The following TNFRSF21 variants were observed in gnomAD, a reference collection of about 807,000 sequenced individuals.
TNFRSF21 encodes the protein TNF receptor superfamily member 21.
In TNFRSF21, 19 loss-of-function variants were observed where a neutral mutation model predicts 45.6. The observed-to-expected ratio is 0.42, with a 90% confidence interval of 0.29 to 0.61. TNFRSF21 has a LOEUF of 0.61. Ranked by LOEUF, TNFRSF21 falls within the 20% of genes least tolerant of loss-of-function variation. The pLI is 0.23. For synonymous variants in TNFRSF21, 314 were observed against 335.5 expected, an observed-to-expected ratio of 0.94 and a Z score of 0.70; for missense variants, 737 against 851.5, an observed-to-expected ratio of 0.87 and a Z score of 1.67.
intron 3 of TNFRSF21, among the ~76,000 whole-genome samples, chr6:47,281,427 C>A (rs1364278369): frequency 6.6e-6 from 1 of 151,148 alleles, no homozygotes; most frequent in African/African-American, 2.4e-5. Context: ...GTGGCCCAGG[C>A]CGGAGTGCAG....
chr6:47,271,045 T>C (rs1420841708), intron 3 of TNFRSF21, among the ~76,000 whole-genome samples: 1 of 152,212 alleles, frequency 6.6e-6, no homozygotes, highest in Non-Finnish European at 1.5e-5. Flanking sequence ...ATTTGATTAG[T>C]GTACCTGAAA....
rs188223932 is a variant in TNFRSF21, at chr6:47,308,689, C to T, written c.96+727G>A. On this transcript the variant is annotated intron_variant, in intron 1 of 5. Transcript: ENST00000296861. ...TAGAAAATTCATCTTCCTTCACACA[C>T]ATCTCCTTCCCCCTCCCCCCATTCC... Among the ~76,000 whole-genome samples the T allele has an allele frequency of 2.4e-3, 364 of 152,386 alleles. 8 individuals are homozygous for T. The highest frequency in any genetic ancestry group is 5.0e-4 in the Non-Finnish European group (34 of 68,038).
chr6:47,253,117 T>C, intron 4 of TNFRSF21, 139 bp downstream of exon 4: 1 of 1,005,576 alleles, frequency 9.9e-7, no homozygotes, highest in East Asian at 2.7e-5. Flanking sequence ...TGTGTGTGTG[T>C]GTGCAGGCGT....
intron 1 of TNFRSF21, among the ~76,000 whole-genome samples, chr6:47,300,855 C>T (rs1439210480): frequency 6.6e-6 from 1 of 152,164 alleles, no homozygotes; most frequent in Non-Finnish European, 1.5e-5. Context: ...TACCCAAAGT[C>T]TAGCAATGCC....
chr6:47,242,690 A>G (rs1199669340), intron 4 of TNFRSF21, among the ~76,000 whole-genome samples: 1 of 152,194 alleles, frequency 6.6e-6, no homozygotes, highest in Non-Finnish European at 1.5e-5. Flanking sequence ...TGCTGACATC[A>G]ACGGTAGTGG....
intron 1 of TNFRSF21, among the ~76,000 whole-genome samples, chr6:47,292,189 GA>G (rs1251130441): frequency 3.9e-5 from 6 of 152,144 alleles, no homozygotes; most frequent in Non-Finnish European, 7.3e-5. Flanking sequence ...CTAATGCTAG[GA>G]AAACACCTGA....
At chr6:47,304,994 C>T (rs910776587) in intron 1 of TNFRSF21, among the ~76,000 whole-genome samples, 2 of 152,202 alleles carry the variant, frequency 1.3e-5, no homozygotes, top group Admixed American at 6.5e-5. Flanking sequence ...GCTTTCTCTA[C>T]TGAGGCTAAC....
chr6:47,277,300 T>C (rs1276322259), intron 3 of TNFRSF21, among the ~76,000 whole-genome samples: 2 of 152,196 alleles, frequency 1.3e-5, no homozygotes, highest in African/African-American at 4.8e-5. Context: ...CCCCTAAGTA[T>C]AGTATTTTAA....
intron 5 of TNFRSF21, 70 bp downstream of exon 5, chr6:47,234,600 G>A: frequency 1.6e-6 from 2 of 1,262,274 alleles, no homozygotes; most frequent in Non-Finnish European, 2.2e-6. Flanking sequence ...CTGTGGACGG[G>A]GAGGGACGAA....
intron 3 of TNFRSF21, among the ~76,000 whole-genome samples, chr6:47,254,088 T>C (rs1288987107): frequency 6.6e-6 from 1 of 152,218 alleles, no homozygotes; most frequent in Non-Finnish European, 1.5e-5. Context: ...GCCGCTGGCA[T>C]ATCCAAATTA....
intron 4 of TNFRSF21, among the ~76,000 whole-genome samples, chr6:47,238,147 C>T (rs1361500613): frequency 6.6e-6 from 1 of 152,220 alleles, no homozygotes; most frequent in Non-Finnish European, 1.5e-5. Context: ...GTATATTTTC[C>T]TTCTGCTACC....
intron 2 of TNFRSF21, among the ~76,000 whole-genome samples, chr6:47,284,725 G>A (rs1238040143): frequency 6.6e-6 from 1 of 152,188 alleles, no homozygotes; most frequent in Non-Finnish European, 1.5e-5. Context: ...TTCACATATT[G>A]AGCAGGCACA....
Position 47,234,797 on chromosome 6 carries a change from C to A in TNFRSF21, c.1611G>T (p.Thr537=), listed in dbSNP as rs774299943. 6.3e-7 allele frequency: 1 copy of A among 1,583,684 alleles called. No individual in the cohort carries two copies. The highest frequency in any genetic ancestry group is 8.6e-7 in the Non-Finnish European group (1 of 1,167,766). The change falls in exon 5 of 6, where the codon ACG becomes ACT. Residue 537 remains threonine, a synonymous_variant. Coordinates refer to ENST00000296861, the MANE Select transcript of TNFRSF21 (RefSeq NM_014452.5). ...NAKLENSALL[T]VEPSPQDKNK... is the part of the protein sequence containing the mutation. ...TCTTGTCCTGTGGGGAAGGCTCCAC[C>A]GTCAGGAGAGCGGAATTCTCAAGTT...
chr6:47,309,687 T>C lies in TNFRSF21; in HGVS notation c.-176A>G. 1.0e-6 allele frequency: 1 copy of C among 959,552 alleles called. No homozygotes were observed. Among genetic ancestry groups the C allele is most frequent in the Middle Eastern group, 3.6e-4 (1 of 2,784 alleles). The allele number at this position is 959,552 out of a possible 1,614,324, so 59.4% of individuals were successfully genotyped here. A position where few individuals can be genotyped will look rare whatever the true frequency, so the allele number is the denominator to read the frequency against. On this transcript the variant is annotated 5_prime_UTR_variant, in exon 1 of 6. Transcript: ENST00000296861. Reference sequence around the variant, plus strand: ...AGGAGGGAGGCGGCAAGGGAGGCTCTAGGGGCGCTCAGCACCTGCCCAGCG... The same window carrying C: ...AGGAGGGAGGCGGCAAGGGAGGCTCCAGGGGCGCTCAGCACCTGCCCAGCG...
At chr6:47,286,868 T>A (rs1057377685) in intron 1 of TNFRSF21, among the ~76,000 whole-genome samples, 3 of 152,140 alleles carry the variant, frequency 2.0e-5, no homozygotes, top group Admixed American at 6.5e-5. Flanking sequence ...ATTTGTAAAA[T>A]GAAACTGACA....
chr6:47,266,091 A>G (rs1005534493), intron 3 of TNFRSF21, among the ~76,000 whole-genome samples: 13 of 152,196 alleles, frequency 8.5e-5, no homozygotes, highest in African/African-American at 3.1e-4. Context: ...AAATCTTTGT[A>G]TAAGAAACAT....
At chr6:47,248,394 G>A (rs773085646) in intron 4 of TNFRSF21, among the ~76,000 whole-genome samples, 9 of 152,126 alleles carry the variant, frequency 5.9e-5, no homozygotes, top group South Asian at 2.1e-4. Flanking sequence ...AGAAGAAACA[G>A]ACTCCTTTCC....
rs1313980646 is a variant in TNFRSF21, at chr6:47,232,074, T to C, written c.*691A>G. 6.6e-6 allele frequency: 1 copy of C among 152,428 alleles called. No homozygotes were observed. The highest frequency in any genetic ancestry group is 1.5e-5 in the Non-Finnish European group (1 of 68,044). The allele number at this position is 152,428 out of a possible 1,614,324, so 9.4% of individuals were successfully genotyped here. On this transcript the variant is annotated 3_prime_UTR_variant, in exon 6 of 6. Coordinates refer to ENST00000296861, the MANE Select transcript of TNFRSF21 (RefSeq NM_014452.5). ...TAAGAAGAGTACAAGTAATCAAGCA[T>C]TCTACACGGTGTCCAGGTGAAAACC...
intron 4 of TNFRSF21, among the ~76,000 whole-genome samples, chr6:47,237,513 C>A (rs1162615110): frequency 6.6e-6 from 1 of 152,110 alleles, no homozygotes; most frequent in African/African-American, 2.4e-5. Context: ...CAATGAAGAA[C>A]ACCTACAATA....
Sources: allele counts gnomAD v4.1 joint callset (sites outside exome capture counted in the v4.1 genomes callset), GRCh38; gene constraint gnomAD v4.1.1; transcripts MANE v1.5; gene names NCBI Gene and HGNC (gene_info 2026-07-23, HGNC 2026-07-21).